The following KCNIP4 variants were observed in gnomAD, a reference collection of about 807,000 sequenced individuals.
KCNIP4 encodes potassium voltage-gated channel interacting protein 4.
In KCNIP4, 12 loss-of-function variants were observed where a neutral mutation model predicts 34.0. The observed-to-expected ratio is 0.35, with a 90% CI of 0.23 to 0.57. KCNIP4 has a LOEUF of 0.57. Among genes scored for constraint, KCNIP4 ranks in the 20% least tolerant of loss-of-function variants. The pLI is 0.83. For synonymous variants in KCNIP4, 124 were observed against 102.2 expected (o/e 1.21, Z -1.29); for missense variants, 238 against 311.7 (o/e 0.76, Z 1.78).
chr4:20,765,473 A>G (rs1354058089), intron 3 of KCNIP4, among the ~76,000 whole-genome samples: 1 of 152,128 alleles, frequency 6.6e-6, no homozygotes, highest in Non-Finnish European at 1.5e-5. Flanking sequence ...AGCTTGAGAG[A>G]TTTGAGGAAA....
chr4:21,589,591 G>C (rs1011443821), intron 1 of KCNIP4, among the ~76,000 whole-genome samples: 4 of 151,848 alleles, frequency 2.6e-5, no homozygotes, highest in Non-Finnish European at 4.4e-5. Flanking sequence ...CTACATTTAA[G>C]AAGCAGCTGC....
chr4:20,907,149 A>T (rs1200752541), intron 1 of KCNIP4, among the ~76,000 whole-genome samples: 1 of 152,238 alleles, frequency 6.6e-6, no homozygotes, highest in Non-Finnish European at 1.5e-5. Flanking sequence ...AATATAACAA[A>T]ATTCCAGCAC....
At chr4:21,416,297 G>C (rs763711703) in intron 1 of KCNIP4, among the ~76,000 whole-genome samples, 1 of 152,186 alleles carries the variant, frequency 6.6e-6, no homozygotes, top group Non-Finnish European at 1.5e-5. Context: ...GTGTAACTTG[G>C]TAGAGGGATT....
At chr4:21,072,986 T>C (rs995253319) in intron 1 of KCNIP4, among the ~76,000 whole-genome samples, 1 of 152,190 alleles carries the variant, frequency 6.6e-6, no homozygotes, top group Non-Finnish European at 1.5e-5. Flanking sequence ...GAGGACTCTG[T>C]TCTGTTCCAT....
chr4:20,899,725 A>G (rs1726959339), intron 1 of KCNIP4, among the ~76,000 whole-genome samples: 2 of 152,214 alleles, frequency 1.3e-5, no homozygotes, highest in African/African-American at 4.8e-5. Flanking sequence ...ATGAATGGTG[A>G]GCTCTTTAGG....
At chr4:20,952,644 CA>C (rs943559179) in intron 1 of KCNIP4, among the ~76,000 whole-genome samples, 16 of 152,122 alleles carry the variant, frequency 1.1e-4, no homozygotes, top group Non-Finnish European at 1.9e-4. Flanking sequence ...GACTTTATAC[CA>C]CTTTTGAATA....
chr4:21,348,097 A>G (rs971994764), intron 1 of KCNIP4, among the ~76,000 whole-genome samples: 1 of 152,160 alleles, frequency 6.6e-6, no homozygotes, highest in Admixed American at 6.5e-5. Context: ...AAGTGACTCA[A>G]TGGAAAGGGG....
intron 1 of KCNIP4, among the ~76,000 whole-genome samples, chr4:21,133,621 A>C (rs1216086197): frequency 6.7e-6 from 1 of 149,736 alleles, no homozygotes; most frequent in East Asian, 1.9e-4. Context: ...CTGCTCACTT[A>C]GTAAATTTAG....
At chr4:21,757,099 A>AAAAG (rs1240357604) in intron 1 of KCNIP4, among the ~76,000 whole-genome samples, 8 of 109,906 alleles carry the variant, frequency 7.3e-5, no homozygotes, top group South Asian at 4.2e-4. Context: ...CTGTCTCAAA[A>AAAAG]AAAGAAAGAA....
intron 1 of KCNIP4, among the ~76,000 whole-genome samples, chr4:21,801,966 T>A (rs12649356): frequency 0.38 from 57,980 of 151,312 alleles, 12,616 homozygotes; most frequent in Non-Finnish European, 0.51. Flanking sequence ...ATTTTTTTTT[T>A]AAAAAAGAAT....
At chr4:21,543,331 T>C (rs1340425875) in intron 1 of KCNIP4, among the ~76,000 whole-genome samples, 2 of 152,140 alleles carry the variant, frequency 1.3e-5, no homozygotes, top group African/African-American at 2.4e-5. Context: ...ATATCATTTG[T>C]CAGTTTTCTA....
chr4:20,741,787 G>T (rs10003206), intron 5 of KCNIP4, among the ~76,000 whole-genome samples: 109,156 of 151,966 alleles, frequency 0.72, 39,369 homozygotes, highest in African/African-American at 0.79. Context: ...AGGAGCTGGT[G>T]TTTTGAAAAG....
intron 1 of KCNIP4, among the ~76,000 whole-genome samples, chr4:21,629,784 G>A (rs896524075): frequency 1.1e-4 from 16 of 150,996 alleles, no homozygotes; most frequent in East Asian, 3.9e-4. Context: ...ATTCTTGGGC[G>A]ATTTCTACAT....
At chr4:21,284,322 A>T (rs1762969429) in intron 1 of KCNIP4, among the ~76,000 whole-genome samples, 1 of 152,254 alleles carries the variant, frequency 6.6e-6, no homozygotes, top group African/African-American at 2.4e-5. Flanking sequence ...TGATAATAAT[A>T]GCAGCAACAA....
At chr4:20,994,970 G>A (rs1481281234) in intron 1 of KCNIP4, among the ~76,000 whole-genome samples, 2 of 152,166 alleles carry the variant, frequency 1.3e-5, no homozygotes, top group African/African-American at 2.4e-5. Flanking sequence ...GCCTTTAAAT[G>A]TGCTTGCATC....
chr4:21,407,597 T>G (rs984698125), intron 1 of KCNIP4, among the ~76,000 whole-genome samples: 5 of 152,132 alleles, frequency 3.3e-5, no homozygotes, highest in Non-Finnish European at 7.4e-5. Context: ...CAGCTAAATA[T>G]CTTAAGCAAA....
intron 1 of KCNIP4, among the ~76,000 whole-genome samples, chr4:21,831,088 T>G (rs184175629): frequency 6.6e-6 from 1 of 152,146 alleles, no homozygotes; most frequent in African/African-American, 2.4e-5. Context: ...AAAGGCAAAT[T>G]TTAAAATATC....
At chr4:21,787,189 G>A (rs1404006016) in intron 1 of KCNIP4, among the ~76,000 whole-genome samples, 1 of 152,204 alleles carries the variant, frequency 6.6e-6, no homozygotes, top group Non-Finnish European at 1.5e-5. Context: ...TTCAGGCTAT[G>A]TGTACATGGT....
At chr4:21,024,718 G>A (rs766309287) in intron 1 of KCNIP4, among the ~76,000 whole-genome samples, 2 of 152,042 alleles carry the variant, frequency 1.3e-5, no homozygotes, top group Non-Finnish European at 2.9e-5. Context: ...TTTCAACTCC[G>A]CCCGCTGACA....
Sources: allele counts gnomAD v4.1 joint callset (sites outside exome capture counted in the v4.1 genomes callset), GRCh38; gene constraint gnomAD v4.1.1; transcripts MANE v1.5; gene names NCBI Gene and HGNC (gene_info 2026-07-23, HGNC 2026-07-21).